Variants in SMOC2 observed in about 807,000 individuals in gnomAD.
SMOC2 encodes the protein SPARC related modular calcium binding 2.
A neutral mutation model predicts 61.4 loss-of-function variants in SMOC2; 39 were observed. The ratio of observed to expected loss-of-function variants is 0.64; its 90% CI spans 0.49 to 0.83. The LOEUF is 0.83. Ranked by LOEUF, SMOC2 falls within the 40% of genes least tolerant of loss-of-function variation. The probability of loss-of-function intolerance (pLI) is 0.00; values close to 1 mark genes in which losing one functional copy is unlikely to be tolerated. For synonymous variants in SMOC2, 247 were observed against 239.9 expected, an observed-to-expected ratio of 1.03 and a Z score of -0.27; for missense variants, 556 against 592.9, an observed-to-expected ratio of 0.94 and a Z score of 0.65.
At chr6:168,470,428 C>T (rs1490437197) in intron 1 of SMOC2, among the ~76,000 whole-genome samples, 1 of 152,186 alleles carries the variant, frequency 6.6e-6, no homozygotes, top group East Asian at 1.9e-4. Flanking sequence ...GTAATCCCAG[C>T]AGTCTGAGAG....
chr6:168,641,974 G>GT (rs1246623671), intron 9 of SMOC2, among the ~76,000 whole-genome samples: 2 of 152,162 alleles, frequency 1.3e-5, no homozygotes, highest in Non-Finnish European at 2.9e-5. Context: ...ATATAGAAAA[G>GT]TAGAGTTAAT....
chr6:168,579,535 C>T (rs988312609), intron 7 of SMOC2, among the ~76,000 whole-genome samples: 11 of 152,244 alleles, frequency 7.2e-5, no homozygotes, highest in African/African-American at 2.7e-4. Context: ...TGTCCAAATT[C>T]TACAGAATCT....
chr6:168,540,900 G>A (rs191741011), intron 4 of SMOC2, among the ~76,000 whole-genome samples: 60 of 152,236 alleles, frequency 3.9e-4, no homozygotes, highest in Admixed American at 9.2e-4. Context: ...CCCCTCTCAC[G>A]TCTGTGCCGC....
chr6:168,576,926 T>C (rs1400722019), intron 7 of SMOC2, among the ~76,000 whole-genome samples: 4 of 152,012 alleles, frequency 2.6e-5, no homozygotes, highest in Non-Finnish European at 1.5e-5. Flanking sequence ...ACGCATGAGA[T>C]TTCCTTTATA....
At position 168,667,649 on chromosome 6, in the gene SMOC2, A is replaced by G. The variant is rs761284523; in HGVS notation, c.*1211A>G. The stretch of plus-strand genomic sequence containing the variant: ...AGGGCACCCAGTGTCTTAAGGAACC[A>G]TTTGGAGGACAGTCTGAGAGCAGGA... On this transcript the variant is annotated 3_prime_UTR_variant, in exon 13 of 13. Transcript: ENST00000356284. 1 of 152,194 alleles carries G rather than the reference A, an allele frequency of 6.6e-6. No individual in the cohort carries two copies. Among genetic ancestry groups the G allele is most frequent in the Non-Finnish European group, 1.5e-5 (1 of 68,042 alleles). 9.4% of individuals were successfully genotyped at this position (152,194 alleles called of 1,614,324 possible). A position where few individuals can be genotyped will look rare whatever the true frequency, so the allele number is the denominator to read the frequency against.
intron 9 of SMOC2, among the ~76,000 whole-genome samples, chr6:168,648,845 A>G (rs1326020067): frequency 6.6e-6 from 1 of 152,082 alleles, no homozygotes; most frequent in Admixed American, 6.6e-5. Context: ...ATCACACAAA[A>G]CTCCAGTGTC....
At position 168,601,324 on chromosome 6, in the gene SMOC2, G is replaced by A. The variant is rs907526365; in HGVS notation, c.824+2320G>A. Reference sequence around the variant, plus strand: ...CTGGCCAGCGCTCCACCGTCCGGCCGCCCTGGCTGACCGCCTGCTCTCGAC... The same window carrying A: ...CTGGCCAGCGCTCCACCGTCCGGCCACCCTGGCTGACCGCCTGCTCTCGAC... On this transcript the variant is annotated intron_variant, in intron 8 of 12. Coordinates refer to ENST00000356284, the MANE Select transcript of SMOC2 (RefSeq NM_001166412.2). Among the ~76,000 whole-genome samples the A allele has an allele frequency of 3.7e-4, 57 of 152,320 alleles. 1 individual carries two copies. Among genetic ancestry groups the A allele is most frequent in the African/African-American group, 1.2e-3 (50 of 41,574 alleles).
intron 7 of SMOC2, among the ~76,000 whole-genome samples, chr6:168,557,531 G>A (rs1232509314): frequency 6.6e-6 from 1 of 152,282 alleles, no homozygotes; most frequent in Admixed American, 6.5e-5. Context: ...ACACCAACAC[G>A]TGTACACGCA....
chr6:168,630,703 T>C (rs561538162), intron 9 of SMOC2, among the ~76,000 whole-genome samples: 3 of 152,292 alleles, frequency 2.0e-5, no homozygotes, highest in Non-Finnish European at 4.4e-5. Flanking sequence ...GGGAGAAATA[T>C]CACTGAATTC....
intron 9 of SMOC2, among the ~76,000 whole-genome samples, chr6:168,618,937 TTTTA>T (rs1459325938): frequency 6.6e-6 from 1 of 152,202 alleles, no homozygotes; most frequent in African/African-American, 2.4e-5. Flanking sequence ...ATGGGCTGCA[TTTTA>T]TTTGTTTATT....
intron 4 of SMOC2, among the ~76,000 whole-genome samples, chr6:168,538,251 CTGGAATCTGGGGCAGTGG>C (rs1783785223): frequency 8.5e-6 from 1 of 117,418 alleles, no homozygotes; most frequent in Non-Finnish European, 1.7e-5. Context: ...GTGGCCCCTG[CTGGAATCTGGGGCAGTGG>C]GGTGACCCCT....
rs1184669720 is a variant in SMOC2 at position 168,480,767 on chromosome 6, G to A, written c.85-29148G>A. ...ATGTACTCTAAGAAAGTCACACAGAGACATTATGACCAAACTTTCAATAGA... is the reference window on the plus strand; with the variant it reads ...ATGTACTCTAAGAAAGTCACACAGAAACATTATGACCAAACTTTCAATAGA... On this transcript the variant is annotated intron_variant, in intron 1 of 12. Coordinates refer to ENST00000356284, the MANE Select transcript of SMOC2 (RefSeq NM_001166412.2). Among the ~76,000 whole-genome samples the A allele has an allele frequency of 3.3e-5, 5 of 152,090 alleles. No individual in the cohort carries two copies. The South Asian group carries it at 8.3e-4, about 25-fold the overall frequency.
chr6:168,463,137 G>T (rs1439527837), intron 1 of SMOC2, among the ~76,000 whole-genome samples: 2 of 152,178 alleles, frequency 1.3e-5, no homozygotes, highest in Non-Finnish European at 2.9e-5. Context: ...TCCCACTGGG[G>T]GCTCAGGCTC....
intron 2 of SMOC2, among the ~76,000 whole-genome samples, chr6:168,516,575 A>G (rs371879912): frequency 6.6e-6 from 1 of 152,200 alleles, no homozygotes; most frequent in African/African-American, 2.4e-5. Flanking sequence ...AGGCTGCACA[A>G]TGACCTCAAC....
intron 7 of SMOC2, among the ~76,000 whole-genome samples, chr6:168,597,724 T>A (rs938416424): frequency 6.6e-6 from 1 of 152,208 alleles, no homozygotes; most frequent in African/African-American, 2.4e-5. Context: ...CAGCCCAAGC[T>A]TCCTTCAGGC....
chr6:168,474,054 T>C (rs572195613), intron 1 of SMOC2, among the ~76,000 whole-genome samples: 8 of 152,126 alleles, frequency 5.3e-5, no homozygotes, highest in Non-Finnish European at 8.8e-5. Context: ...CGCAGGCTTG[T>C]GTGAGGGCTC....
In SMOC2 at chr6:168,501,447, G is replaced by A. The variant is rs190787251; in HGVS notation, c.85-8468G>A. The stretch of plus-strand genomic sequence containing the variant: ...CAGGAACCTGCATTGTCCATCCCTC[G>A]CTATGGGGCCAGGAACCTGCATCGT... On this transcript the variant is annotated intron_variant, in intron 1 of 12. Transcript: ENST00000356284. Among the ~76,000 whole-genome samples, 4 of 151,930 alleles carry A rather than the reference G, an allele frequency of 2.6e-5. No homozygotes were observed. In the East Asian group the frequency reaches 7.8e-4, roughly 29 times the overall value.
intron 9 of SMOC2, among the ~76,000 whole-genome samples, chr6:168,618,174 C>A (rs192695256): frequency 1.3e-5 from 2 of 152,362 alleles, no homozygotes; most frequent in East Asian, 3.9e-4. Context: ...GCTATCACCA[C>A]GATGAAATAA....
At chr6:168,597,635 TG>T (rs1328443362) in intron 7 of SMOC2, among the ~76,000 whole-genome samples, 1 of 152,200 alleles carries the variant, frequency 6.6e-6, no homozygotes, top group African/African-American at 2.4e-5. Context: ...AACTATACAC[TG>T]TAGTTAATCA....
Sources: allele counts gnomAD v4.1 joint callset (sites outside exome capture counted in the v4.1 genomes callset), GRCh38; gene constraint gnomAD v4.1.1; transcripts MANE v1.5; gene names NCBI Gene and HGNC (gene_info 2026-07-23, HGNC 2026-07-21).